The following SLC15A5 variants were observed in gnomAD, a reference collection of about 807,000 sequenced individuals.
The protein encoded by SLC15A5 is solute carrier family 15 member 5.
In SLC15A5, 58 loss-of-function variants were observed where a neutral mutation model predicts 56.1. That is an observed-to-expected ratio of 1.03 (90% confidence interval 0.84 to 1.29). The LOEUF (loss-of-function observed/expected upper bound fraction) is 1.29. Ranked by LOEUF, SLC15A5 falls within the 50% of genes most tolerant of loss-of-function variation. SLC15A5 has a pLI of 0.00. For synonymous variants in SLC15A5, 264 were observed against 250.5 expected, an observed-to-expected ratio of 1.05 and a Z score of -0.51; for missense variants, 681 against 672.1, an observed-to-expected ratio of 1.01 and a Z score of -0.15.
chr12:16,259,022 TCC>T (rs1316383313), intron 2 of SLC15A5, among the ~76,000 whole-genome samples: 77 of 84,566 alleles, frequency 9.1e-4, no homozygotes, highest in Middle Eastern at 9.1e-3. Flanking sequence ...TTTCTTTCTT[TCC>T]TTTTTTTTTT....
intron 7 of SLC15A5, among the ~76,000 whole-genome samples, chr12:16,206,760 C>T (rs1864023872): frequency 6.6e-6 from 1 of 152,104 alleles, no homozygotes; most frequent in Admixed American, 6.5e-5. Context: ...ATCTTGGGAA[C>T]TGTGGATAAA....
chr12:16,194,383 T>C lies in SLC15A5; in HGVS notation c.1554A>G (p.Thr518=). The change falls in exon 8 of 9, where the codon ACA becomes ACG. Residue 518 remains threonine, a synonymous_variant. Coordinates refer to ENST00000344941, the MANE Select transcript of SLC15A5 (RefSeq NM_001170798.1). ...TGCAGAATCCCAGGACGTTCAACAATGTTAATGATGCCAGGAAGAAGAAGA... is the reference window on the plus strand; with the variant it reads ...TGCAGAATCCCAGGACGTTCAACAACGTTAATGATGCCAGGAAGAAGAAGA... The part of the protein sequence containing the change: ...ESFFFFLASL[T]LLNVLGFCSV... 6.5e-7 allele frequency: 1 copy of C among 1,535,416 alleles called. No individual in the cohort carries two copies. The highest frequency in any genetic ancestry group is 8.7e-7 in the Non-Finnish European group (1 of 1,145,564).
chr12:16,198,538 T>C (rs1863918267), intron 7 of SLC15A5, among the ~76,000 whole-genome samples: 1 of 152,180 alleles, frequency 6.6e-6, no homozygotes, highest in African/African-American at 2.4e-5. Flanking sequence ...TCAAATGCAC[T>C]GCTGTAGTCC....
intron 6 of SLC15A5, among the ~76,000 whole-genome samples, chr12:16,221,899 C>A (rs1368201394): frequency 6.6e-6 from 1 of 151,910 alleles, no homozygotes; most frequent in Non-Finnish European, 1.5e-5. Context: ...AGAGATGGAT[C>A]TAGGATGAAT....
chr12:16,255,522 T>C (rs10846316), intron 3 of SLC15A5, among the ~76,000 whole-genome samples: 61,456 of 151,842 alleles, frequency 0.4, 12,748 homozygotes, highest in South Asian at 0.61. Context: ...ACAACCACTA[T>C]AGAAAGGAAT....
chr12:16,214,961 T>C (rs1415980970), intron 7 of SLC15A5, among the ~76,000 whole-genome samples: 1 of 151,864 alleles, frequency 6.6e-6, no homozygotes, highest in Non-Finnish European at 1.5e-5. Context: ...TCCCAGCACT[T>C]TGGGAGGCCG....
At chr12:16,226,689 G>A (rs1864244399) in intron 5 of SLC15A5, among the ~76,000 whole-genome samples, 1 of 152,088 alleles carries the variant, frequency 6.6e-6, no homozygotes, top group Non-Finnish European at 1.5e-5. Context: ...GAGTGTAAAT[G>A]CCAACAATTA....
chr12:16,276,681 G>T (rs780178551), intron 1 of SLC15A5, among the ~76,000 whole-genome samples: 2 of 151,874 alleles, frequency 1.3e-5, no homozygotes. Context: ...TCTTCAAGTT[G>T]CTCTCTATTT....
intron 7 of SLC15A5, among the ~76,000 whole-genome samples, chr12:16,212,358 A>C (rs1864092257): frequency 6.6e-6 from 1 of 152,166 alleles, no homozygotes; most frequent in Non-Finnish European, 1.5e-5. Context: ...ATACTGACCT[A>C]CCCAAAGCCA....
rs897543225 is a variant in SLC15A5, at chr12:16,239,757, C to A, written c.1086G>T (p.Leu362=). The change falls in exon 5 of 9, where the codon CTG becomes CTT. Residue 362 remains leucine, a synonymous_variant. Coordinates refer to ENST00000344941, the MANE Select transcript of SLC15A5 (RefSeq NM_001170798.1). ...NAISSLPLLI[L]APFLEYFSTC... is the part of the protein sequence containing the mutation. ...TGCTGAAATACTCCAGAAAAGGAGC[C>A]AGAATTAGTAATGGTAGGCTGCTGA... 1.3e-6 allele frequency: 2 copies of A among 1,537,124 alleles called. No individual in the cohort carries two copies. Among genetic ancestry groups the A allele is most frequent in the Non-Finnish European group, 1.7e-6 (2 of 1,146,910 alleles).
intron 3 of SLC15A5, among the ~76,000 whole-genome samples, chr12:16,246,014 C>G (rs1316228670): frequency 6.6e-6 from 1 of 152,104 alleles, no homozygotes; most frequent in African/African-American, 2.4e-5. Context: ...AGCTGGGGGC[C>G]TGGTAATTGA....
chr12:16,277,129 A>AACACACACACACAC (rs59004314), intron 1 of SLC15A5, among the ~76,000 whole-genome samples, 196 bp downstream of exon 1: 7 of 150,168 alleles, frequency 4.7e-5, no homozygotes, highest in East Asian at 2.0e-4. Flanking sequence ...AACATTCTCT[A>AACACACACACACAC]ACACACACAC....
intron 7 of SLC15A5, among the ~76,000 whole-genome samples, chr12:16,215,429 A>G (rs1385524397): frequency 1.3e-5 from 2 of 152,200 alleles, no homozygotes; most frequent in Non-Finnish European, 2.9e-5. Context: ...TTTTGGAAAT[A>G]TCTTCACTGA....
intron 8 of SLC15A5, among the ~76,000 whole-genome samples, chr12:16,193,942 T>C (rs1258602693): frequency 1.4e-5 from 2 of 145,724 alleles, no homozygotes; most frequent in Non-Finnish European, 3.1e-5. Flanking sequence ...TAAATTGACC[T>C]TGAAATGGTC....
rs1272346100 is a variant in SLC15A5, at chr12:16,237,289, A to T, written c.1162+2392T>A. Among the ~76,000 whole-genome samples the T allele has an allele frequency of 6.6e-6, 1 of 152,212 alleles. No homozygotes were observed. Among genetic ancestry groups the T allele is most frequent in the Non-Finnish European group, 1.5e-5 (1 of 68,022 alleles). ...AGCAAATATCTAGTTTAAAAGACGC[A>T]TATCATCGCACTTTTATATTCCCAT... On this transcript the variant is annotated intron_variant, in intron 5 of 8. Transcript: ENST00000344941. The surrounding 1 kb of genome is among the most constrained non-coding windows in gnomAD (Gnocchi z 4.1).
intron 5 of SLC15A5, among the ~76,000 whole-genome samples, chr12:16,228,821 T>C (rs1864267977): frequency 7.7e-6 from 1 of 130,162 alleles, no homozygotes; most frequent in Non-Finnish European, 1.7e-5. Flanking sequence ...GTAATACATA[T>C]AACATAAAAT....
At chr12:16,212,351 C>T (rs1565659583) in intron 7 of SLC15A5, among the ~76,000 whole-genome samples, 1 of 152,132 alleles carries the variant, frequency 6.6e-6, no homozygotes, top group Non-Finnish European at 1.5e-5. Context: ...TAGAGGGATA[C>T]TGACCTACCC....
chr12:16,191,686 G>A (rs763251264), intron 8 of SLC15A5, among the ~76,000 whole-genome samples: 2 of 152,070 alleles, frequency 1.3e-5, no homozygotes, highest in Non-Finnish European at 2.9e-5. Flanking sequence ...CCTCACTGCA[G>A]ACACTGGTCT....
At chr12:16,250,612 C>T (rs1254987408) in intron 3 of SLC15A5, among the ~76,000 whole-genome samples, 2 of 151,698 alleles carry the variant, frequency 1.3e-5, no homozygotes, top group Non-Finnish European at 2.9e-5. Context: ...ATGAAGATGG[C>T]GTCTAAAATC....
Sources: gnomAD v4.1 joint callset for allele counts (sites outside exome capture counted in the v4.1 genomes callset) on GRCh38, gnomAD v4.1.1 for gene constraint, Gnocchi (gnomAD v3.1) non-coding constraint, MANE v1.5 for transcripts, NCBI Gene and HGNC (gene_info 2026-07-23, HGNC 2026-07-21) for gene names.